Variants in TMEM217B observed in about 807,000 individuals in gnomAD.
TMEM217B encodes transmembrane protein 217B.
the TMEM217B span, among the ~76,000 whole-genome samples, chr6:37,238,792 C>T: frequency 6.6e-6 from 1 of 152,186 alleles, no homozygotes; most frequent in South Asian, 2.1e-4. Context: ...ATTGGTTACT[C>T]TTGAGGTTGA....
the TMEM217B span, among the ~76,000 whole-genome samples, chr6:37,221,230 A>C: frequency 6.7e-6 from 1 of 149,014 alleles, no homozygotes; most frequent in Admixed American, 6.8e-5. Context: ...TCTGTCGCCC[A>C]GGCTGGAATG....
At chr6:37,234,272 G>A in the TMEM217B span, among the ~76,000 whole-genome samples, 2 of 151,962 alleles carry the variant, frequency 1.3e-5, no homozygotes, top group Admixed American at 1.3e-4. Flanking sequence ...GCTAACTTTT[G>A]TATTTTTAGT....
At chr6:37,226,336 A>G in the TMEM217B span, among the ~76,000 whole-genome samples, 1 of 113,928 alleles carries the variant, frequency 8.8e-6, no homozygotes, top group Non-Finnish European at 1.6e-5. Flanking sequence ...TCTTTCGCCC[A>G]GGCTGGAGTG....
the TMEM217B span, among the ~76,000 whole-genome samples, chr6:37,217,244 A>G: frequency 6.6e-6 from 1 of 152,240 alleles, no homozygotes; most frequent in Non-Finnish European, 1.5e-5. Context: ...CAGTGAGCCG[A>G]GGTCGCACCA....
the TMEM217B span, chr6:37,258,097 C>T: frequency 1.8e-6 from 2 of 1,110,210 alleles, no homozygotes; most frequent in Non-Finnish European, 1.3e-6. Flanking sequence ...GCTGGGACTG[C>T]CTGGTGGCGG....
At chr6:37,215,361 G>C in the TMEM217B span, 1 of 1,500,904 alleles carries the variant, frequency 6.7e-7, no homozygotes, top group Non-Finnish European at 8.9e-7. Context: ...CGGATCACGA[G>C]GTCAGGAGTT....
chr6:37,252,704 A>G, the TMEM217B span, among the ~76,000 whole-genome samples: 2 of 146,012 alleles, frequency 1.4e-5, no homozygotes, highest in African/African-American at 5.1e-5. Context: ...CAATGGCACA[A>G]TCTCGGCTCC....
chr6:37,247,567 T>G, the TMEM217B span, among the ~76,000 whole-genome samples: 7 of 152,012 alleles, frequency 4.6e-5, no homozygotes, highest in Admixed American at 1.3e-4. Context: ...TTTGTATTTT[T>G]GGTAGAGATG....
chr6:37,221,626 T>C, the TMEM217B span, among the ~76,000 whole-genome samples: 1 of 152,200 alleles, frequency 6.6e-6, no homozygotes, highest in East Asian at 1.9e-4. Context: ...ACTGAAAATA[T>C]ATGAAGAAAC....
chr6:37,253,075 A>G, the TMEM217B span, among the ~76,000 whole-genome samples: 2 of 152,212 alleles, frequency 1.3e-5, no homozygotes, highest in Non-Finnish European at 2.9e-5. Flanking sequence ...GACAAAACCC[A>G]TATATTCTTA....
At chr6:37,235,489 C>T in the TMEM217B span, among the ~76,000 whole-genome samples, 2 of 152,142 alleles carry the variant, frequency 1.3e-5, no homozygotes, top group South Asian at 4.1e-4. Flanking sequence ...CCTCAGCCTC[C>T]TGAGTAGCTG....
chr6:37,214,667 A>G, the TMEM217B span, among the ~76,000 whole-genome samples: 1 of 152,248 alleles, frequency 6.6e-6, no homozygotes, highest in Non-Finnish European at 1.5e-5. Flanking sequence ...GGTGTCTCAC[A>G]TAAGTGGAAT....
At chr6:37,227,644 T>A in the TMEM217B span, among the ~76,000 whole-genome samples, 1 of 151,928 alleles carries the variant, frequency 6.6e-6, no homozygotes, top group African/African-American at 2.4e-5. Flanking sequence ...TGGGGTTTCA[T>A]CATGCTGTCC....
the TMEM217B span, among the ~76,000 whole-genome samples, chr6:37,223,290 G>A: frequency 6.6e-6 from 1 of 151,438 alleles, no homozygotes; most frequent in Non-Finnish European, 1.5e-5. Context: ...AAGGATAAAT[G>A]AAAGAAAATC....
chr6:37,252,609 ATG>A, the TMEM217B span, among the ~76,000 whole-genome samples: 6 of 36,344 alleles, frequency 1.7e-4, no homozygotes, highest in African/African-American at 6.2e-4. Flanking sequence ...GTGTGTGTGT[ATG>A]TGTGTGTATA....
chr6:37,248,941 C>T, the TMEM217B span, among the ~76,000 whole-genome samples: 1 of 152,178 alleles, frequency 6.6e-6, no homozygotes, highest in African/African-American at 2.4e-5. Flanking sequence ...GAATCCTTTC[C>T]TGACCCTTCT....
the TMEM217B span, among the ~76,000 whole-genome samples, chr6:37,228,343 G>T: frequency 6.6e-6 from 1 of 152,216 alleles, no homozygotes; most frequent in Non-Finnish European, 1.5e-5. Context: ...AATAGGTTGT[G>T]CTGTTCAAAC....
At chr6:37,248,674 A>C in the TMEM217B span, among the ~76,000 whole-genome samples, 1 of 152,218 alleles carries the variant, frequency 6.6e-6, no homozygotes, top group Non-Finnish European at 1.5e-5. Context: ...AGTCTCTTTA[A>C]GAATATCTCT....
chr6:37,231,108 G>A, the TMEM217B span, among the ~76,000 whole-genome samples: 1 of 151,802 alleles, frequency 6.6e-6, no homozygotes. Context: ...GTCCCAGGCT[G>A]GAGTGCAGGC....
Sources: gnomAD v4.1 joint callset for allele counts (sites outside exome capture counted in the v4.1 genomes callset) on GRCh38, gnomAD v4.1.1 for gene constraint, MANE v1.5 for transcripts, NCBI Gene and HGNC (gene_info 2026-07-23, HGNC 2026-07-21) for gene names.